Variants in ADAMTSL1 observed in about 807,000 individuals in gnomAD.
ADAMTSL1 encodes ADAMTS-like protein 1.
ADAMTSL1 carries 126 observed loss-of-function variants against 201.8 expected under a neutral mutation model. The ratio of observed to expected loss-of-function variants is 0.62; its 90% CI spans 0.54 to 0.72. The LOEUF is 0.72. ADAMTSL1 is among the 30% of genes least tolerant of loss of function. ADAMTSL1 has a pLI of 0.00. For missense variants in ADAMTSL1, 2,679 were observed against 2,277.8 expected (o/e 1.18, Z -3.59); for synonymous variants, 1,121 against 903.4 (o/e 1.24, Z -4.32).
intron 2 of ADAMTSL1, among the ~76,000 whole-genome samples, chr9:18,307,660 A>G (rs1208965525): frequency 5.3e-5 from 8 of 152,168 alleles, no homozygotes. Context: ...CTAAATATAT[A>G]TGCACCCAAT....
chr9:18,643,579 T>C, intron 7 of ADAMTSL1, among the ~76,000 whole-genome samples: 1 of 152,100 alleles, frequency 6.6e-6, no homozygotes, highest in Non-Finnish European at 1.5e-5. Context: ...TTTAAGTTGA[T>C]TTTTGTGTAT....
intron 2 of ADAMTSL1, among the ~76,000 whole-genome samples, chr9:18,509,809 G>C (rs1337006333): frequency 1.3e-5 from 2 of 152,240 alleles, no homozygotes; most frequent in African/African-American, 4.8e-5. Flanking sequence ...GAGCTAGAGA[G>C]AGGGTGAAAA....
chr9:18,224,595 C>G (rs900382390), intron 2 of ADAMTSL1, among the ~76,000 whole-genome samples: 2 of 152,118 alleles, frequency 1.3e-5, no homozygotes, highest in Admixed American at 6.6e-5. Flanking sequence ...CCCTGAAAGT[C>G]TTGTCTCATT....
intron 2 of ADAMTSL1, among the ~76,000 whole-genome samples, chr9:18,391,257 C>G (rs776757521): frequency 1.3e-5 from 2 of 152,076 alleles, no homozygotes; most frequent in Non-Finnish European, 2.9e-5. Flanking sequence ...ACTTTCTTGG[C>G]CTTTTCAAGT....
At chr9:18,402,079 C>T (rs377737672) in intron 2 of ADAMTSL1, among the ~76,000 whole-genome samples, 193 of 152,264 alleles carry the variant, frequency 1.3e-3, no homozygotes, top group African/African-American at 4.5e-3. Flanking sequence ...GAGTTATCAC[C>T]GAAATCTCTG....
At chr9:18,120,460 G>T (rs1286819577) in intron 1 of ADAMTSL1, among the ~76,000 whole-genome samples, 1 of 152,188 alleles carries the variant, frequency 6.6e-6, no homozygotes, top group African/African-American at 2.4e-5. Flanking sequence ...TGTTGGGGGG[G>T]ACCCTGGAGG....
intron 1 of ADAMTSL1, among the ~76,000 whole-genome samples, chr9:18,155,093 AG>A (rs1162354486): frequency 1.3e-5 from 2 of 152,024 alleles, no homozygotes; most frequent in African/African-American, 2.4e-5. Flanking sequence ...TTGTTTTTGA[AG>A]GGGAAATAAA....
chr9:18,364,467 T>G (rs1037789383), intron 2 of ADAMTSL1, among the ~76,000 whole-genome samples: 2 of 152,122 alleles, frequency 1.3e-5, no homozygotes, highest in African/African-American at 4.8e-5. Flanking sequence ...GTTTAATCCC[T>G]TAGCTTAAAG....
At position 18,801,675 on chromosome 9, in the gene ADAMTSL1, A is replaced by G. The variant is rs113935248; in HGVS notation, c.3805+6151A>G. Among the ~76,000 whole-genome samples the G allele has an allele frequency of 8.9e-3, 1,355 of 152,240 alleles. 29 individuals are homozygous for G. The highest frequency in any genetic ancestry group is 0.03 in the African/African-American group (1,265 of 41,530). ...TATTAGTTTGCCTCCAGCTCCATCCATGTTCCTGCAAAAGACATGATCTTG... is the reference window on the plus strand; with the variant it reads ...TATTAGTTTGCCTCCAGCTCCATCCGTGTTCCTGCAAAAGACATGATCTTG... On this transcript the variant is annotated intron_variant, in intron 20 of 28. Coordinates refer to ENST00000380548, the MANE Select transcript of ADAMTSL1 (RefSeq NM_001040272.6).
At chr9:18,003,074 T>C (rs754089466) in intron 1 of ADAMTSL1, among the ~76,000 whole-genome samples, 1 of 151,976 alleles carries the variant, frequency 6.6e-6, no homozygotes, top group Non-Finnish European at 1.5e-5. Flanking sequence ...TACAATTTAA[T>C]AGCTAGGTGA....
In ADAMTSL1 at chr9:18,124,717, G is replaced by A. The variant is rs1054999061; in HGVS notation, c.88-39145G>A. Among the ~76,000 whole-genome samples the A allele has an allele frequency of 2.6e-5, 4 of 152,064 alleles. No homozygotes were observed. In the East Asian group the frequency reaches 7.7e-4, roughly 29 times the overall value. On this transcript the variant is annotated intron_variant, in intron 1 of 29. Transcript: ENST00000680146. ...TCTGAGTGTTCAAGATGATTTCATT[G>A]AGAGAAAAAAAATGGAAAGCCATTT...
At chr9:18,853,580 C>G (rs1361879446) in intron 23 of ADAMTSL1, among the ~76,000 whole-genome samples, 2 of 152,148 alleles carry the variant, frequency 1.3e-5, no homozygotes, top group Non-Finnish European at 2.9e-5. Context: ...ATCCTCCTAA[C>G]CTTGTGGTGG....
intron 26 of ADAMTSL1, among the ~76,000 whole-genome samples, chr9:18,904,612 C>A (rs1486485461): frequency 3.8e-5 from 4 of 104,456 alleles, no homozygotes; most frequent in Admixed American, 2.9e-4. Flanking sequence ...CCAGCCTGGG[C>A]AACAGAAAGA....
rs112371086 is a variant in ADAMTSL1, at chr9:18,443,020, C to A, written c.208-61809C>A. ...TGGTGTTAAACTTTGTCTTTACAAG[C>A]CTGTGCTTGCAATTTCTAGCTTTGC... On this transcript the variant is annotated intron_variant, in intron 2 of 29. Coordinates refer to the ADAMTSL1 transcript ENST00000680146. Among the ~76,000 whole-genome samples, 142 of 152,312 alleles carry A rather than the reference C, an allele frequency of 9.3e-4. 1 individual carries two copies. Among genetic ancestry groups the A allele is most frequent in the African/African-American group, 3.3e-3 (137 of 41,562 alleles).
chr9:18,365,567 TAA>T (rs1430831803), intron 2 of ADAMTSL1, among the ~76,000 whole-genome samples: 1 of 151,926 alleles, frequency 6.6e-6, no homozygotes, highest in Non-Finnish European at 1.5e-5. Flanking sequence ...AATTCCACAG[TAA>T]TAAGCAAATA....
intron 23 of ADAMTSL1, among the ~76,000 whole-genome samples, chr9:18,885,117 G>A (rs937174415): frequency 6.6e-6 from 1 of 152,110 alleles, no homozygotes; most frequent in Non-Finnish European, 1.5e-5. Flanking sequence ...AGTCCATTTT[G>A]TGCTGCTATA....
At chr9:18,303,683 T>A (rs1833793372) in intron 2 of ADAMTSL1, among the ~76,000 whole-genome samples, 1 of 152,038 alleles carries the variant, frequency 6.6e-6, no homozygotes, top group African/African-American at 2.4e-5. Context: ...AAGGCAGGGA[T>A]GGGGGTATGA....
intron 1 of ADAMTSL1, among the ~76,000 whole-genome samples, chr9:18,145,300 G>C (rs1030647156): frequency 2.0e-5 from 3 of 152,078 alleles, no homozygotes; most frequent in African/African-American, 7.2e-5. Flanking sequence ...ATTTGTTTTC[G>C]GTTCTTTGAG....
At chr9:18,413,005 T>C (rs577641338) in intron 2 of ADAMTSL1, among the ~76,000 whole-genome samples, 24 of 151,930 alleles carry the variant, frequency 1.6e-4, no homozygotes, top group African/African-American at 5.8e-4. Context: ...TTGTCGTTTT[T>C]TGTTACCAAG....
Sources: gnomAD v4.1 joint callset for allele counts (sites outside exome capture counted in the v4.1 genomes callset) on GRCh38, gnomAD v4.1.1 for gene constraint, MANE v1.5 for transcripts, NCBI Gene and HGNC (gene_info 2026-07-23, HGNC 2026-07-21) for gene names.